Variants in PCDH9 observed in about 807,000 individuals in gnomAD.
PCDH9 encodes the protein protocadherin 9.
In PCDH9, 24 loss-of-function variants were observed where a neutral mutation model predicts 70.6. The ratio of observed to expected loss-of-function variants is 0.34; its 90% CI spans 0.25 to 0.48. The LOEUF (loss-of-function observed/expected upper bound fraction) is 0.48. Ranked by LOEUF, PCDH9 falls within the 20% of genes least tolerant of loss-of-function variation. PCDH9 has a pLI of 0.99. For missense variants in PCDH9, 1,281 were observed against 1,503.6 expected, an observed-to-expected ratio of 0.85 and a Z score of 2.45; for synonymous variants, 562 against 558.5, an observed-to-expected ratio of 1.01 and a Z score of -0.09.
intron 2 of PCDH9, among the ~76,000 whole-genome samples, chr13:67,094,637 G>A (rs999254353): frequency 6.6e-6 from 1 of 151,608 alleles, no homozygotes; most frequent in African/African-American, 2.4e-5. Context: ...CTACCAAGAA[G>A]GACTTCTGAC....
intron 2 of PCDH9, among the ~76,000 whole-genome samples, chr13:66,992,519 T>A (rs190729887): frequency 6.6e-6 from 1 of 152,344 alleles, no homozygotes; most frequent in Non-Finnish European, 1.5e-5. Context: ...CATTTATTCT[T>A]TAATATATGT....
At chr13:66,733,997 T>A (rs2079110937) in intron 3 of PCDH9, among the ~76,000 whole-genome samples, 1 of 152,220 alleles carries the variant, frequency 6.6e-6, no homozygotes, top group African/African-American at 2.4e-5. Flanking sequence ...CCATACCCAA[T>A]AGAGTATTTT....
At chr13:66,554,319 T>C (rs1235512706) in intron 4 of PCDH9, among the ~76,000 whole-genome samples, 1 of 152,136 alleles carries the variant, frequency 6.6e-6, no homozygotes, top group East Asian at 1.9e-4. Context: ...TATACTCTTT[T>C]GCAACTTTAA....
intron 4 of PCDH9, among the ~76,000 whole-genome samples, chr13:66,473,724 G>T (rs938114880): frequency 6.6e-6 from 1 of 152,128 alleles, no homozygotes; most frequent in Non-Finnish European, 1.5e-5. Context: ...GCGAGCTAAA[G>T]CTCAAGTTAT....
At chr13:66,656,385 T>G (rs1056675053) in intron 3 of PCDH9, among the ~76,000 whole-genome samples, 2 of 152,208 alleles carry the variant, frequency 1.3e-5, no homozygotes, top group Non-Finnish European at 2.9e-5. Context: ...CATCAGAGGT[T>G]TCTGGAATTA....
chr13:66,773,832 G>A (rs1220725939), intron 3 of PCDH9, among the ~76,000 whole-genome samples: 5 of 150,542 alleles, frequency 3.3e-5, no homozygotes, highest in Non-Finnish European at 7.4e-5. Flanking sequence ...AGGCTGGAGT[G>A]CAGTGGGTGA....
At chr13:66,601,597 T>C (rs1451979465) in intron 4 of PCDH9, among the ~76,000 whole-genome samples, 2 of 146,492 alleles carry the variant, frequency 1.4e-5, no homozygotes, top group African/African-American at 4.9e-5. Flanking sequence ...ATCATTAGTA[T>C]CACCATTAAA....
chr13:66,352,022 G>C (rs547760816), intron 4 of PCDH9, among the ~76,000 whole-genome samples: 1 of 152,010 alleles, frequency 6.6e-6, no homozygotes, highest in African/African-American at 2.4e-5. Context: ...TTTTAGTAGA[G>C]GCAGGGTTTC....
At chr13:66,799,263 C>A (rs193072084) in intron 3 of PCDH9, among the ~76,000 whole-genome samples, 1 of 152,104 alleles carries the variant, frequency 6.6e-6, no homozygotes, top group African/African-American at 2.4e-5. Flanking sequence ...ATAGTCTATG[C>A]GGTCAAGTGG....
Position 66,630,925 on chromosome 13 carries a change from T to G in PCDH9, c.3340+285A>C, listed in dbSNP as rs116874302. On this transcript the variant is annotated intron_variant, in intron 4 of 4. Coordinates refer to ENST00000377865, the MANE Select transcript of PCDH9 (RefSeq NM_203487.3). ...AAATGTGTTCAAATTTCATAAGATCTCTGACATCAGAATATCTTGCAACAA... is the reference window on the plus strand; with the variant it reads ...AAATGTGTTCAAATTTCATAAGATCGCTGACATCAGAATATCTTGCAACAA... The G allele has an allele frequency of 5.4e-3, 1,463 of 268,730 alleles. 49 individuals are homozygous for G. In the East Asian group the frequency reaches 0.076, roughly 14 times the overall value. 16.6% of individuals were successfully genotyped at this position (268,730 alleles called of 1,614,324 possible).
At chr13:67,205,179 T>C (rs1450150540) in intron 2 of PCDH9, 1 of 152,172 alleles carries the variant, frequency 6.6e-6, no homozygotes, top group Non-Finnish European at 1.5e-5. Flanking sequence ...GTTTCCAATA[T>C]ATTATCTTAT....
intron 3 of PCDH9, among the ~76,000 whole-genome samples, chr13:66,692,568 G>T (rs1300915854): frequency 1.3e-5 from 2 of 151,964 alleles, no homozygotes; most frequent in Non-Finnish European, 2.9e-5. Flanking sequence ...GAGAAGATAA[G>T]TACAAACCCA....
chr13:66,629,711 G>A (rs1358959158), intron 4 of PCDH9, among the ~76,000 whole-genome samples: 2 of 152,186 alleles, frequency 1.3e-5, no homozygotes, highest in East Asian at 1.9e-4. Context: ...CTGGCAGGGA[G>A]CTTAGATACT....
intron 4 of PCDH9, among the ~76,000 whole-genome samples, chr13:66,558,774 AG>A (rs577935026): frequency 6.6e-6 from 1 of 152,118 alleles, no homozygotes; most frequent in Non-Finnish European, 1.5e-5. Context: ...CTCTGGATGC[AG>A]TCAGCCAGAA....
chr13:67,085,307 A>G (rs893658743), intron 2 of PCDH9, among the ~76,000 whole-genome samples: 5 of 151,822 alleles, frequency 3.3e-5, no homozygotes, highest in African/African-American at 1.2e-4. Flanking sequence ...AAGCAATATT[A>G]TATGTCCTTA....
intron 2 of PCDH9, among the ~76,000 whole-genome samples, chr13:67,117,468 G>T (rs2086800446): frequency 6.6e-6 from 1 of 152,048 alleles, no homozygotes; most frequent in Non-Finnish European, 1.5e-5. Context: ...GTTGTGATGA[G>T]TTCTAAATAT....
At position 66,369,399 on chromosome 13, in the gene PCDH9, GT is replaced by G. The variant is rs764989054; in HGVS notation, c.3341-64372del. Among the ~76,000 whole-genome samples, 12 of 152,010 alleles carry G rather than the reference GT, an allele frequency of 7.9e-5. No homozygotes were observed. The East Asian group carries it at 1.2e-3, about 15-fold the overall frequency. On this transcript the variant is annotated intron_variant, in intron 4 of 4. Transcript: ENST00000377865. The stretch of plus-strand genomic sequence containing the variant: ...ATGACATAACATTAGAATCAGATGA[GT>G]TTTTCTTTTTAAATGGGATTTTGAC...
intron 3 of PCDH9, among the ~76,000 whole-genome samples, chr13:66,692,411 C>A (rs755367887): frequency 4.6e-5 from 7 of 151,972 alleles, no homozygotes; most frequent in Non-Finnish European, 1.0e-4. Context: ...GAAAGGAAGT[C>A]TTGAGATGAA....
intron 2 of PCDH9, among the ~76,000 whole-genome samples, chr13:67,052,739 T>C (rs919758777): frequency 3.9e-5 from 6 of 152,054 alleles, no homozygotes; most frequent in African/African-American, 1.4e-4. Flanking sequence ...TATAAATTCA[T>C]GAGATATGTA....
Sources: allele counts gnomAD v4.1 joint callset (sites outside exome capture counted in the v4.1 genomes callset), GRCh38; gene constraint gnomAD v4.1.1; transcripts MANE v1.5; gene names NCBI Gene and HGNC (gene_info 2026-07-23, HGNC 2026-07-21).